The following NEGR1 variants were observed in gnomAD, a reference collection of about 807,000 sequenced individuals.
NEGR1 encodes the protein neuronal growth regulator 1.
A neutral mutation model predicts 40.9 loss-of-function variants in NEGR1; 10 were observed. The ratio of observed to expected loss-of-function variants is 0.24; its 90% confidence interval spans 0.15 to 0.42. The LOEUF (loss-of-function observed/expected upper bound fraction) is 0.42. Among genes scored for constraint, NEGR1 ranks in the 10% least tolerant of loss-of-function variants. The pLI is 1.00. For synonymous variants in NEGR1, 185 were observed against 166.8 expected, an observed-to-expected ratio of 1.11 and a Z score of -0.84; for missense variants, 352 against 438.9, an observed-to-expected ratio of 0.80 and a Z score of 1.77.
At chr1:71,441,508 A>G (rs911222826) in intron 6 of NEGR1, among the ~76,000 whole-genome samples, 1 of 152,246 alleles carries the variant, frequency 6.6e-6, no homozygotes, top group African/African-American at 2.4e-5. Context: ...TCAAGAATGT[A>G]TCTAATGAGG....
intron 4 of NEGR1, among the ~76,000 whole-genome samples, chr1:71,612,004 C>A (rs534762443): frequency 6.6e-6 from 1 of 152,182 alleles, no homozygotes; most frequent in Non-Finnish European, 1.5e-5. Context: ...GGGTGGCCCA[C>A]GAGGTCAGGA....
chr1:72,056,083 G>A (rs1215654294), intron 1 of NEGR1, among the ~76,000 whole-genome samples: 4 of 150,938 alleles, frequency 2.7e-5, no homozygotes, highest in Non-Finnish European at 5.9e-5. Flanking sequence ...AGCTCTCTGA[G>A]AGATCTAAGT....
At chr1:71,910,356 G>T (rs890435342) in intron 2 of NEGR1, among the ~76,000 whole-genome samples, 3 of 152,176 alleles carry the variant, frequency 2.0e-5, no homozygotes, top group Admixed American at 1.3e-4. Flanking sequence ...TCAAAAATTT[G>T]CAGGTAACGA....
chr1:71,764,085 C>T (rs915546586), intron 3 of NEGR1, among the ~76,000 whole-genome samples: 1 of 152,132 alleles, frequency 6.6e-6, no homozygotes, highest in African/African-American at 2.4e-5. Flanking sequence ...AAGTTAATTC[C>T]ATACAAGTGG....
intron 1 of NEGR1, among the ~76,000 whole-genome samples, chr1:72,044,426 C>CTAT: frequency 6.6e-6 from 1 of 150,848 alleles, no homozygotes; most frequent in Non-Finnish European, 1.5e-5. Flanking sequence ...TTGCACAATT[C>CTAT]TATTATTATT....
At chr1:71,774,304 G>T (rs923379461) in intron 3 of NEGR1, among the ~76,000 whole-genome samples, 1 of 152,134 alleles carries the variant, frequency 6.6e-6, no homozygotes, top group Admixed American at 6.5e-5. Flanking sequence ...ACCCCACGGA[G>T]AGTCCTGCCA....
At chr1:71,528,559 A>C (rs1647269950) in intron 6 of NEGR1, among the ~76,000 whole-genome samples, 1 of 151,298 alleles carries the variant, frequency 6.6e-6, no homozygotes, top group Non-Finnish European at 1.5e-5. Context: ...AAACTAGCAA[A>C]GTGAAAAATT....
intron 6 of NEGR1, among the ~76,000 whole-genome samples, chr1:71,462,456 C>G (rs1265342468): frequency 2.0e-5 from 3 of 152,096 alleles, no homozygotes; most frequent in Non-Finnish European, 4.4e-5. Context: ...TAGTGCAAAG[C>G]AGGCCTTAGA....
At chr1:71,527,702 C>T (rs1030203264) in intron 6 of NEGR1, among the ~76,000 whole-genome samples, 1 of 150,788 alleles carries the variant, frequency 6.6e-6, no homozygotes, top group Non-Finnish European at 1.5e-5. Context: ...TATTTATTCA[C>T]TTATGGAGGA....
chr1:71,925,757 A>C (rs1381863482), intron 2 of NEGR1, among the ~76,000 whole-genome samples: 3 of 152,106 alleles, frequency 2.0e-5, no homozygotes, highest in Admixed American at 2.0e-4. Flanking sequence ...TATTTCATAG[A>C]TCAAATCCCA....
rs539516941 is a variant in NEGR1, at chr1:72,258,164, T to TGG, written c.176+24153_176+24154dup. Among the ~76,000 whole-genome samples the TGG allele has an allele frequency of 4.8e-4, 73 of 152,318 alleles. 1 individual carries two copies. The South Asian group carries it at 0.011, about 24-fold the overall frequency. ...TCAACTCAGGGTGATTTTGTCTACC[T>TGG]GGGGACATTTGACAATACCTAGATT... On this transcript the variant is annotated intron_variant, in intron 1 of 6. Coordinates refer to ENST00000357731, the MANE Select transcript of NEGR1 (RefSeq NM_173808.3).
chr1:71,646,417 C>A (rs1369664020), intron 4 of NEGR1, among the ~76,000 whole-genome samples: 2 of 151,682 alleles, frequency 1.3e-5, no homozygotes, highest in Non-Finnish European at 3.0e-5. Context: ...CTGACCTGAA[C>A]CCTTGTTACT....
intron 3 of NEGR1, among the ~76,000 whole-genome samples, chr1:71,751,626 G>A (rs759782804): frequency 4.0e-5 from 6 of 151,842 alleles, no homozygotes; most frequent in Non-Finnish European, 7.4e-5. Flanking sequence ...CTACCCAGGA[G>A]CTATTCAGCC....
At chr1:71,849,065 G>A (rs1401694039) in intron 2 of NEGR1, among the ~76,000 whole-genome samples, 1 of 151,750 alleles carries the variant, frequency 6.6e-6, no homozygotes, top group Non-Finnish European at 1.5e-5. Context: ...CTCCAGTGTG[G>A]GTGACAGAGC....
At chr1:71,991,417 G>A (rs1037284393) in intron 1 of NEGR1, among the ~76,000 whole-genome samples, 2 of 151,906 alleles carry the variant, frequency 1.3e-5, no homozygotes, top group African/African-American at 2.4e-5. Context: ...TATTGTTTAC[G>A]CTATAGAAAA....
chr1:72,024,801 C>T (rs1646792630), intron 1 of NEGR1, among the ~76,000 whole-genome samples: 2 of 152,128 alleles, frequency 1.3e-5, no homozygotes, highest in African/African-American at 4.8e-5. Flanking sequence ...CTTCAAGCTC[C>T]CTAAACCTGA....
At chr1:71,939,689 G>C (rs1047771925) in intron 1 of NEGR1, among the ~76,000 whole-genome samples, 1 of 151,908 alleles carries the variant, frequency 6.6e-6, no homozygotes, top group Non-Finnish European at 1.5e-5. Context: ...TCAGGGGCAG[G>C]GGTGGGCAGA....
At chr1:71,772,262 G>A (rs937617770) in intron 3 of NEGR1, among the ~76,000 whole-genome samples, 1 of 151,996 alleles carries the variant, frequency 6.6e-6, no homozygotes, top group South Asian at 2.1e-4. Context: ...AAATTAGCTG[G>A]GTGTGGTGGC....
At chr1:71,899,182 A>C (rs1156653109) in intron 2 of NEGR1, among the ~76,000 whole-genome samples, 2 of 151,360 alleles carry the variant, frequency 1.3e-5, no homozygotes, top group East Asian at 3.9e-4. Flanking sequence ...GCCTGCTAAA[A>C]TGCTGAATGT....
Sources: allele counts gnomAD v4.1 joint callset (sites outside exome capture counted in the v4.1 genomes callset), GRCh38; gene constraint gnomAD v4.1.1; transcripts MANE v1.5; gene names NCBI Gene and HGNC (gene_info 2026-07-23, HGNC 2026-07-21).